The following UNC5C variants were observed in gnomAD, a reference collection of about 807,000 sequenced individuals.
UNC5C encodes the protein unc-5 netrin receptor C.
A neutral mutation model predicts 99.8 loss-of-function variants in UNC5C; 47 were observed. The ratio of observed to expected loss-of-function variants is 0.47; its 90% CI spans 0.37 to 0.60. The LOEUF (loss-of-function observed/expected upper bound fraction) is 0.60, where lower values mean the gene tolerates loss of function less well. Ranked by LOEUF, UNC5C falls within the 20% of genes least tolerant of loss-of-function variation. The probability of loss-of-function intolerance (pLI) is 0.00; values close to 1 mark genes in which losing one functional copy is unlikely to be tolerated. For synonymous variants in UNC5C, 487 were observed against 452.2 expected, an observed-to-expected ratio of 1.08 and a Z score of -0.98; for missense variants, 1,062 against 1,165.9, an observed-to-expected ratio of 0.91 and a Z score of 1.30.
intron 2 of UNC5C, among the ~76,000 whole-genome samples, chr4:95,315,262 A>C (rs1039780308): frequency 1.3e-5 from 2 of 152,112 alleles, no homozygotes; most frequent in Non-Finnish European, 2.9e-5. Context: ...TACTCCCAAG[A>C]TGGAATGGCT....
At chr4:95,542,665 C>T (rs552006856) in intron 1 of UNC5C, among the ~76,000 whole-genome samples, 1 of 152,226 alleles carries the variant, frequency 6.6e-6, no homozygotes, top group East Asian at 1.9e-4. Flanking sequence ...CAACACAAAA[C>T]TATTTTTTTA....
At chr4:95,172,385 T>G (rs80111647) in intron 14 of UNC5C, among the ~76,000 whole-genome samples, 67,457 of 149,068 alleles carry the variant, frequency 0.45, 16,875 homozygotes, top group Admixed American at 0.59. Context: ...CTAACGTTTA[T>G]GTCTTTAATC....
intron 1 of UNC5C, among the ~76,000 whole-genome samples, chr4:95,448,796 C>G (rs191355697): frequency 1.7e-4 from 26 of 152,150 alleles, no homozygotes; most frequent in Non-Finnish European, 3.5e-4. Flanking sequence ...CACTCTCTTT[C>G]GAGATAAACA....
At chr4:95,261,517 T>C (rs1740225484) in intron 4 of UNC5C, among the ~76,000 whole-genome samples, 3 of 152,106 alleles carry the variant, frequency 2.0e-5, no homozygotes, top group Non-Finnish European at 2.9e-5. Flanking sequence ...AACTAAATCA[T>C]ATAAAGTTTC....
chr4:95,179,290 G>T (rs1045245279), intron 14 of UNC5C, among the ~76,000 whole-genome samples: 2 of 152,180 alleles, frequency 1.3e-5, no homozygotes, highest in African/African-American at 4.8e-5. Context: ...GTAAACAGAT[G>T]AAATGGCTGT....
intron 1 of UNC5C, among the ~76,000 whole-genome samples, chr4:95,361,955 A>C (rs1278984971): frequency 6.8e-6 from 1 of 148,076 alleles, no homozygotes; most frequent in Admixed American, 6.7e-5. Flanking sequence ...AAAACAGATT[A>C]TCTATTATCT....
chr4:95,424,518 C>CTTTTTTTTTTTTTTTTGTTT (rs1746412352), intron 1 of UNC5C, among the ~76,000 whole-genome samples: 1 of 67,952 alleles, frequency 1.5e-5, no homozygotes, highest in African/African-American at 5.9e-5. Context: ...TTTTTCTTTT[C>CTTTTTTTTTTTTTTTTGTTT]TTTTTTTTTT....
At chr4:95,520,765 A>AT (rs1560492877) in intron 1 of UNC5C, among the ~76,000 whole-genome samples, 2 of 151,556 alleles carry the variant, frequency 1.3e-5, no homozygotes, top group African/African-American at 4.9e-5. Flanking sequence ...CGCCCAGCTA[A>AT]TTTTTTGTAT....
intron 1 of UNC5C, among the ~76,000 whole-genome samples, chr4:95,480,704 G>A (rs1211414106): frequency 6.6e-6 from 1 of 151,730 alleles, no homozygotes; most frequent in African/African-American, 2.4e-5. Flanking sequence ...CTGGTTCAAT[G>A]TACGCAAATC....
intron 4 of UNC5C, among the ~76,000 whole-genome samples, chr4:95,272,632 C>T (rs550649351): frequency 3.9e-5 from 6 of 152,278 alleles, no homozygotes; most frequent in African/African-American, 1.2e-4. Context: ...AGCTTGAAGG[C>T]TGACTGCTAG....
chr4:95,282,423 C>A (rs540848811), intron 3 of UNC5C, among the ~76,000 whole-genome samples: 1 of 151,888 alleles, frequency 6.6e-6, no homozygotes, highest in African/African-American at 2.4e-5. Context: ...ACTGTAGGGG[C>A]GGAGGGAAAA....
intron 1 of UNC5C, among the ~76,000 whole-genome samples, chr4:95,385,717 C>T (rs539604280): frequency 1.3e-5 from 2 of 152,142 alleles, no homozygotes; most frequent in African/African-American, 4.8e-5. Flanking sequence ...ATGATTCTTC[C>T]AGTAGACAGA....
chr4:95,272,802 T>C (rs1740707962), intron 4 of UNC5C, among the ~76,000 whole-genome samples: 1 of 152,242 alleles, frequency 6.6e-6, no homozygotes, highest in Admixed American at 6.5e-5. Context: ...ATTCAGATTC[T>C]TCTTTCCTCT....
At chr4:95,416,475 G>A (rs1746168346) in intron 1 of UNC5C, among the ~76,000 whole-genome samples, 1 of 152,108 alleles carries the variant, frequency 6.6e-6, no homozygotes, top group African/African-American at 2.4e-5. Context: ...GGAGAAGGGT[G>A]CGGGTATGAT....
intron 14 of UNC5C, among the ~76,000 whole-genome samples, chr4:95,181,751 C>T (rs1451274740): frequency 6.6e-6 from 1 of 152,064 alleles, no homozygotes; most frequent in Admixed American, 6.6e-5. Flanking sequence ...ATGATGACCG[C>T]ACCTCGGCAG....
chr4:95,469,454 A>G (rs1747897953), intron 1 of UNC5C, among the ~76,000 whole-genome samples: 1 of 152,138 alleles, frequency 6.6e-6, no homozygotes, highest in Admixed American at 6.6e-5. Flanking sequence ...TGCCTTTCTT[A>G]TAATAACCCT....
rs116882534 is a variant in UNC5C at position 95,437,720 on chromosome 4, T to G, written c.125-102089A>C. On this transcript the variant is annotated intron_variant, in intron 1 of 15. Transcript: ENST00000453304. Reference sequence around the variant, plus strand: ...AGTTGAATTACCTGGGCCCTATTATTGAAATGAAGGTCTGCCATTGACGCT... The same window carrying G: ...AGTTGAATTACCTGGGCCCTATTATGGAAATGAAGGTCTGCCATTGACGCT... Among the ~76,000 whole-genome samples, 53 of 152,156 alleles carry G rather than the reference T, an allele frequency of 3.5e-4. No individual in the cohort carries two copies. In the East Asian group the frequency reaches 7.9e-3, roughly 23 times the overall value.
At chr4:95,518,704 GA>G (rs1484384894) in intron 1 of UNC5C, among the ~76,000 whole-genome samples, 1 of 152,116 alleles carries the variant, frequency 6.6e-6, no homozygotes, top group Middle Eastern at 3.2e-3. Context: ...CATTTGTAAA[GA>G]AGCAATCAAA....
chr4:95,527,587 T>C (rs1359311104), intron 1 of UNC5C, among the ~76,000 whole-genome samples: 2 of 152,112 alleles, frequency 1.3e-5, no homozygotes, highest in East Asian at 3.8e-4. Context: ...GCATATATAT[T>C]TAACATAGTA....
Sources: allele counts gnomAD v4.1 joint callset (sites outside exome capture counted in the v4.1 genomes callset), GRCh38; gene constraint gnomAD v4.1.1; transcripts MANE v1.5; gene names NCBI Gene and HGNC (gene_info 2026-07-23, HGNC 2026-07-21).